Variants in IPCEF1 observed in about 807,000 individuals in gnomAD.
IPCEF1 encodes interaction protein for cytohesin exchange factors 1, also known as interactor protein for cytohesin exchange factors 1.
IPCEF1 carries 31 observed loss-of-function variants against 50.9 expected under a neutral mutation model. The ratio of observed to expected loss-of-function variants is 0.61; its 90% confidence interval spans 0.46 to 0.82. IPCEF1 has a LOEUF of 0.82. Ranked by LOEUF, IPCEF1 falls within the 40% of genes least tolerant of loss-of-function variation. The probability of loss-of-function intolerance (pLI) is 0.00; values close to 1 mark genes in which losing one functional copy is unlikely to be tolerated. For missense variants in IPCEF1, 458 were observed against 514.0 expected (o/e 0.89, Z 1.05); for synonymous variants, 181 against 192.0 (o/e 0.94, Z 0.47).
rs1296685475 is a variant in IPCEF1, at chr6:154,263,702, C to G, written c.36+2210G>C. ...CTCAATCTCTTCCCCACCCTTCCCC[C>G]CTTTCTATTCCACAAAACCGCCATT... On this transcript the variant is annotated intron_variant, in intron 3 of 11. Transcript: ENST00000367220. 8.6e-4 allele frequency among the ~76,000 whole-genome samples: 63 copies of G among 73,264 alleles called. 5 individuals carry two copies. The highest frequency in any genetic ancestry group is 3.4e-3 in the African/African-American group (55 of 16,364). The allele number at this position is 73,264 out of a possible 152,430, so 48.1% of individuals were successfully genotyped here. A position where few individuals can be genotyped will look rare whatever the true frequency, so the allele number is the denominator to read the frequency against.
intron 1 of IPCEF1, among the ~76,000 whole-genome samples, chr6:154,354,217 G>A (rs1028462781): frequency 6.6e-6 from 1 of 152,126 alleles, no homozygotes; most frequent in Non-Finnish European, 1.5e-5. Context: ...CCCCAACTGT[G>A]TTTTCTCTTG....
At chr6:154,227,407 T>C (rs1465333739) in intron 5 of IPCEF1, among the ~76,000 whole-genome samples, 1 of 151,962 alleles carries the variant, frequency 6.6e-6, no homozygotes, top group Non-Finnish European at 1.5e-5. Context: ...ACACTTTTAG[T>C]AATATTTTTA....
intron 3 of IPCEF1, among the ~76,000 whole-genome samples, chr6:154,261,446 T>G (rs1325319394): frequency 2.0e-5 from 3 of 152,086 alleles, no homozygotes; most frequent in African/African-American, 7.2e-5. Flanking sequence ...GCAATTGGAT[T>G]GGAGGGACAC....
intron 1 of IPCEF1, among the ~76,000 whole-genome samples, chr6:154,329,613 GAA>G (rs765123266): frequency 2.0e-5 from 3 of 146,828 alleles, no homozygotes; most frequent in Non-Finnish European, 4.5e-5. Context: ...AAAAAAGAAA[GAA>G]AGAGAGAGAG....
chr6:154,320,230 G>C (rs1305672367), intron 1 of IPCEF1, among the ~76,000 whole-genome samples: 1 of 152,106 alleles, frequency 6.6e-6, no homozygotes, highest in East Asian at 1.9e-4. Flanking sequence ...TAACTACCAA[G>C]GAAGCAAAAA....
At chr6:154,257,002 T>C (rs1781478365) in intron 3 of IPCEF1, among the ~76,000 whole-genome samples, 1 of 152,216 alleles carries the variant, frequency 6.6e-6, no homozygotes, top group South Asian at 2.1e-4. Context: ...AGCTATGATG[T>C]TCAGTAGATT....
intron 6 of IPCEF1, 99 bp from the exon 7 acceptor site, chr6:154,221,427 C>A: frequency 1.1e-6 from 1 of 883,476 alleles, no homozygotes; most frequent in Non-Finnish European, 1.8e-6. Flanking sequence ...GTAAACTTGT[C>A]TGCTTTCTTT....
intron 1 of IPCEF1, among the ~76,000 whole-genome samples, chr6:154,315,694 G>T (rs1215912322): frequency 6.6e-6 from 1 of 152,054 alleles, no homozygotes; most frequent in African/African-American, 2.4e-5. Flanking sequence ...CCCTGTATTT[G>T]GCCCTGAGAT....
At chr6:154,331,837 C>G (rs1206646558) in intron 1 of IPCEF1, among the ~76,000 whole-genome samples, 2 of 152,028 alleles carry the variant, frequency 1.3e-5, no homozygotes, top group Non-Finnish European at 2.9e-5. Context: ...ACAGCCCACC[C>G]CAAGGAAAAA....
At chr6:154,353,917 TATC>T (rs1376558736) in intron 1 of IPCEF1, among the ~76,000 whole-genome samples, 1 of 152,236 alleles carries the variant, frequency 6.6e-6, no homozygotes, top group Non-Finnish European at 1.5e-5. Context: ...TAACTAGGCT[TATC>T]ATATTTATTT....
At chr6:154,301,676 G>A (rs1024352710) in intron 1 of IPCEF1, among the ~76,000 whole-genome samples, 2 of 152,104 alleles carry the variant, frequency 1.3e-5, no homozygotes, top group African/African-American at 4.8e-5. Context: ...GGGGGATCAT[G>A]ATCACTGAAA....
intron 1 of IPCEF1, among the ~76,000 whole-genome samples, chr6:154,318,712 CAAA>C (rs57436031): frequency 2.0e-4 from 20 of 98,816 alleles, no homozygotes; most frequent in Admixed American, 4.5e-4. Flanking sequence ...GACCCTGTCT[CAAA>C]AAAAAAAAAA....
rs545237261 is a variant in IPCEF1, at chr6:154,266,624, G to A, written c.-17-660C>T. ...CACACACATTTTGAGAAGTGGAAAT[G>A]TTTTCCTCTTTATGATAAACAATGC... is the stretch of plus-strand genomic sequence containing the variant. On this transcript the variant is annotated intron_variant, in intron 2 of 11. Coordinates refer to ENST00000367220, the MANE Select transcript of IPCEF1 (RefSeq NM_001130700.2). 1.3e-4 allele frequency among the ~76,000 whole-genome samples: 19 copies of A among 148,322 alleles called. 1 individual carries two copies. The highest frequency in any genetic ancestry group is 6.8e-5 in the Admixed American group (1 of 14,724).
At chr6:154,165,921 T>G (rs1799389472) in intron 11 of IPCEF1, among the ~76,000 whole-genome samples, 1 of 152,208 alleles carries the variant, frequency 6.6e-6, no homozygotes, top group Non-Finnish European at 1.5e-5. Flanking sequence ...AGAGGGCAAC[T>G]GAGACCCTCA....
chr6:154,192,796 G>C (rs372671059), intron 10 of IPCEF1, among the ~76,000 whole-genome samples: 1 of 152,246 alleles, frequency 6.6e-6, no homozygotes, highest in East Asian at 1.9e-4. Context: ...CTAATTGCCA[G>C]GGAAATGCAA....
In IPCEF1 at chr6:154,246,750, C is replaced by A. The variant is rs149638978; in HGVS notation, c.87G>T (p.Thr29=). The A allele has an allele frequency of 3.0e-4, 490 of 1,613,606 alleles. No homozygotes were observed. Among genetic ancestry groups the A allele is most frequent in the Middle Eastern group, 1.8e-3 (11 of 6,078 alleles). The change falls in exon 5 of 12, where the codon ACG becomes ACT. Residue 29 remains threonine, a synonymous_variant. Coordinates refer to ENST00000367220, the MANE Select transcript of IPCEF1 (RefSeq NM_001130700.2). ...TACACGATATCCTCCTCCGACTCATCGTGAGAAAACCTGCAATGATTACAT... is the reference window on the plus strand; with the variant it reads ...TACACGATATCCTCCTCCGACTCATAGTGAGAAAACCTGCAATGATTACAT... The part of the protein sequence containing the change: ...KPRRKTQGFL[T]MSRRRISCKD...
chr6:154,275,635 A>T (rs938090692), intron 2 of IPCEF1, among the ~76,000 whole-genome samples: 1 of 152,212 alleles, frequency 6.6e-6, no homozygotes, highest in Non-Finnish European at 1.5e-5. Context: ...TGAAATTCAG[A>T]CAGTGTACAT....
intron 11 of IPCEF1, among the ~76,000 whole-genome samples, chr6:154,166,939 T>C (rs1397319459): frequency 6.6e-6 from 1 of 152,262 alleles, no homozygotes; most frequent in Non-Finnish European, 1.5e-5. Flanking sequence ...GTATTATCTT[T>C]GTATAATTAA....
At chr6:154,193,431 T>C (rs1562533517) in intron 10 of IPCEF1, among the ~76,000 whole-genome samples, 1 of 152,046 alleles carries the variant, frequency 6.6e-6, no homozygotes, top group African/African-American at 2.4e-5. Context: ...GAGCAAAATC[T>C]CAGAAATCAC....
Sources: gnomAD v4.1 joint callset for allele counts (sites outside exome capture counted in the v4.1 genomes callset) on GRCh38, gnomAD v4.1.1 for gene constraint, MANE v1.5 for transcripts, NCBI Gene and HGNC (gene_info 2026-07-23, HGNC 2026-07-21) for gene names.